Variants in ATP8B4 observed in about 807,000 individuals in gnomAD.
The protein encoded by ATP8B4 is probable phospholipid-transporting ATPase IM.
A neutral mutation model predicts 145.6 loss-of-function variants in ATP8B4; 133 were observed. The observed-to-expected ratio is 0.91, with a 90% CI of 0.79 to 1.05. The LOEUF (loss-of-function observed/expected upper bound fraction) is 1.05. ATP8B4 is among the 50% of genes least tolerant of loss of function. The probability of loss-of-function intolerance (pLI) is 0.00; values close to 1 mark genes in which losing one functional copy is unlikely to be tolerated. For missense variants in ATP8B4, 1,458 were observed against 1,425.2 expected (o/e 1.02, Z -0.37); for synonymous variants, 507 against 492.9 (o/e 1.03, Z -0.38).
At chr15:50,023,779 C>CAAAAAAAAA (rs60030651) in intron 6 of ATP8B4, among the ~76,000 whole-genome samples, 303 of 74,108 alleles carry the variant, frequency 4.1e-3, no homozygotes, top group Non-Finnish European at 5.7e-3. Context: ...AGACCAAAGG[C>CAAAAAAAAA]AAAAAAAAAA....
chr15:49,908,072 G>T (rs927940474), intron 20 of ATP8B4: 1 of 456,022 alleles, frequency 2.2e-6, no homozygotes, highest in South Asian at 1.5e-5. Context: ...TTCCTCATAT[G>T]TCCAACAGGG....
At chr15:50,121,604 G>C (rs184519187), upstream of ATP8B4, among the ~76,000 whole-genome samples, 49 of 152,170 alleles carry the variant, frequency 3.2e-4, no homozygotes, top group Admixed American at 2.9e-3. Flanking sequence ...ACTATTACTA[G>C]TGTGACTGCA....
intron 1 of ATP8B4, among the ~76,000 whole-genome samples, chr15:50,150,690 C>A (rs1284872352): frequency 6.6e-6 from 1 of 152,336 alleles, no homozygotes; most frequent in South Asian, 2.1e-4. Flanking sequence ...CTATCATCCC[C>A]AAGTTCTAGG....
At chr15:50,014,057 G>C (rs1346201316) in intron 6 of ATP8B4, among the ~76,000 whole-genome samples, 3 of 152,178 alleles carry the variant, frequency 2.0e-5, no homozygotes, top group African/African-American at 7.2e-5. Flanking sequence ...AGAAACAAAA[G>C]AGGGGATTTT....
At chr15:50,111,786 G>A (rs2153671893) in intron 1 of ATP8B4, among the ~76,000 whole-genome samples, 1 of 152,320 alleles carries the variant, frequency 6.6e-6, no homozygotes, top group African/African-American at 2.4e-5. Flanking sequence ...GCAGACCATT[G>A]ATGTCTCTTT....
intron 19 of ATP8B4, among the ~76,000 whole-genome samples, chr15:49,918,412 T>C (rs532446150): frequency 6.6e-6 from 1 of 152,300 alleles, no homozygotes; most frequent in South Asian, 2.1e-4. Context: ...CCCATCACCC[T>C]GACACTTCCC....
chr15:49,972,554 G>T lies in ATP8B4; in HGVS notation c.1243+28C>A, dbSNP rs372846932. On this transcript the variant is annotated intron_variant, in intron 13 of 27. Coordinates refer to ENST00000284509, the MANE Select transcript of ATP8B4 (RefSeq NM_024837.4). ...TATTCAAGAAATTGTTAACAATATCGTTAAGAGAAAGGAACTGTTTCTCTT... is the reference window on the plus strand; with the variant it reads ...TATTCAAGAAATTGTTAACAATATCTTTAAGAGAAAGGAACTGTTTCTCTT... 1.9e-6 allele frequency: 3 copies of T among 1,590,740 alleles called. No homozygotes were observed. In the Admixed American group the frequency reaches 5.2e-5, roughly 27 times the overall value.
intron 2 of ATP8B4, among the ~76,000 whole-genome samples, chr15:50,092,316 C>A (rs1465279098): frequency 6.6e-6 from 1 of 152,008 alleles, no homozygotes; most frequent in Non-Finnish European, 1.5e-5. Context: ...TTATCCAGAT[C>A]CTCTACAATT....
At chr15:49,912,291 GA>G (rs1279394151) in intron 20 of ATP8B4, among the ~76,000 whole-genome samples, 1 of 151,300 alleles carries the variant, frequency 6.6e-6, no homozygotes, top group African/African-American at 2.4e-5. Context: ...GACTAACCAA[GA>G]AAAAAAGAGA....
chr15:49,965,506 A>G (rs1209209779), intron 13 of ATP8B4, among the ~76,000 whole-genome samples: 3 of 152,236 alleles, frequency 2.0e-5, no homozygotes, highest in Non-Finnish European at 4.4e-5. Flanking sequence ...AACAATCTGC[A>G]AAACGGCCAG....
At chr15:50,144,834 C>G (rs1333045385) in intron 1 of ATP8B4, among the ~76,000 whole-genome samples, 2 of 152,188 alleles carry the variant, frequency 1.3e-5, no homozygotes, top group East Asian at 3.9e-4. Context: ...TCCTTCAGCA[C>G]CTTTTTCAAA....
Position 50,086,580 on chromosome 15 carries a change from A to C in ATP8B4, c.29-12395T>G, listed in dbSNP as rs1469331204. On this transcript the variant is annotated intron_variant, in intron 2 of 27. Transcript: ENST00000284509. Reference sequence around the variant, plus strand: ...TAGAGATCTATATTTATTATATATAATAAAATAATATAGAGATCTATATTT... The same window carrying C: ...TAGAGATCTATATTTATTATATATACTAAAATAATATAGAGATCTATATTT... 5.4e-5 allele frequency among the ~76,000 whole-genome samples: 6 copies of C among 111,202 alleles called. No individual in the cohort carries two copies. In the East Asian group the frequency reaches 1.3e-3, roughly 24 times the overall value. The allele number at this position is 111,202 out of a possible 152,430, so 73.0% of individuals were successfully genotyped here.
At chr15:50,010,778 G>T in intron 7 of ATP8B4, 67 bp downstream of exon 7, 1 of 1,085,638 alleles carries the variant, frequency 9.2e-7, no homozygotes, top group Non-Finnish European at 1.3e-6. Context: ...ATTTGCAAAT[G>T]TAAATACTTC....
chr15:49,985,799 T>C (rs2046553382), intron 10 of ATP8B4, among the ~76,000 whole-genome samples: 1 of 152,158 alleles, frequency 6.6e-6, no homozygotes, highest in African/African-American at 2.4e-5. Flanking sequence ...GAAAATAGCA[T>C]TTGTCAAGCA....
At chr15:49,876,253 A>G in intron 25 of ATP8B4, 25 bp downstream of exon 25, 1 of 1,607,944 alleles carries the variant, frequency 6.2e-7, no homozygotes, top group South Asian at 1.1e-5. Context: ...CCATCAAGTT[A>G]AGGTGCTTAC....
At chr15:50,056,208 C>A (rs113411047) in intron 3 of ATP8B4, among the ~76,000 whole-genome samples, 4,848 of 152,130 alleles carry the variant, frequency 0.032, 263 homozygotes, top group African/African-American at 0.11. Flanking sequence ...TATCCCCCAA[C>A]ATTCATTCAT....
At chr15:49,962,061 G>A (rs369330378) in intron 13 of ATP8B4, 41 bp from the exon 14 acceptor site, 58 of 1,464,474 alleles carry the variant, frequency 4.0e-5, no homozygotes, top group African/African-American at 3.2e-4. Flanking sequence ...AAGTGAAACC[G>A]AAATTAGAAT....
chr15:50,131,838 G>A (rs546929410), intron 1 of ATP8B4, among the ~76,000 whole-genome samples: 1 of 149,948 alleles, frequency 6.7e-6, no homozygotes, highest in South Asian at 2.1e-4. Flanking sequence ...ATATTATCAT[G>A]TAATTAGAAA....
intron 1 of ATP8B4, among the ~76,000 whole-genome samples, chr15:50,117,193 G>A (rs911131986): frequency 6.6e-6 from 1 of 152,138 alleles, no homozygotes. Flanking sequence ...GAGATTACAG[G>A]AGCCCACCAC....
Sources: allele counts gnomAD v4.1 joint callset (sites outside exome capture counted in the v4.1 genomes callset), GRCh38; gene constraint gnomAD v4.1.1; transcripts MANE v1.5; gene names NCBI Gene and HGNC (gene_info 2026-07-23, HGNC 2026-07-21).